The following RBM20 variants were observed in gnomAD, a reference collection of about 807,000 sequenced individuals.
RBM20 encodes RNA-binding protein 20.
Under a neutral mutation model 110.1 loss-of-function variants are expected in RBM20, and 51 were observed. The observed-to-expected ratio is 0.46, with a 90% confidence interval of 0.37 to 0.59. The LOEUF (loss-of-function observed/expected upper bound fraction) is 0.59. Among genes scored for constraint, RBM20 ranks in the 20% least tolerant of loss-of-function variants. The pLI is 0.00. For synonymous variants in RBM20, 589 were observed against 618.2 expected, an observed-to-expected ratio of 0.95 and a Z score of 0.70; for missense variants, 1,512 against 1,574.9, an observed-to-expected ratio of 0.96 and a Z score of 0.68.
At position 110,668,194 on chromosome 10, in the gene RBM20, G is replaced by A. The variant is rs566137959; in HGVS notation, c.191+23549G>A. 1.7e-4 allele frequency among the ~76,000 whole-genome samples: 26 copies of A among 152,116 alleles called. No homozygotes were observed. In the South Asian group the frequency reaches 5.0e-3, roughly 29 times the overall value. ...AGATCCCCCTAACTCAATTACTGAC[G>A]TATGCCAAGCATCCCGCCTGGAATT... is the stretch of plus-strand genomic sequence containing the variant. On this transcript the variant is annotated intron_variant, in intron 1 of 13. Transcript: ENST00000369519.
In RBM20 at chr10:110,797,573, T is replaced by A. The variant is rs955486548; in HGVS notation, c.1593T>A (p.Thr531=). The change falls in exon 6 of 14, where the codon ACT becomes ACA. Residue 531 remains threonine (T), a synonymous_variant. Transcript: ENST00000369519. ...HICNLPEGSC[T]ENDVINLGLP... is the part of the protein sequence containing the mutation. ...GCAATCTCCCTGAAGGAAGCTGCAC[T>A]GAGAATGACGTCATTAACCTGGGGC... is the stretch of plus-strand genomic sequence containing the variant. 6.4e-7 allele frequency: 1 copy of A among 1,551,742 alleles called. No homozygotes were observed.
At chr10:110,670,451 G>T (rs1207792679) in intron 1 of RBM20, among the ~76,000 whole-genome samples, 1 of 152,174 alleles carries the variant, frequency 6.6e-6, no homozygotes, top group East Asian at 1.9e-4. Context: ...TATTTCTTTA[G>T]CTGCTGGGTG....
intron 1 of RBM20, among the ~76,000 whole-genome samples, chr10:110,774,191 C>G (rs773234698): frequency 6.6e-6 from 1 of 152,146 alleles, no homozygotes; most frequent in East Asian, 1.9e-4. Context: ...TATGGCTGTT[C>G]TGGAGATGAG....
Position 110,812,726 on chromosome 10 carries a change from G to C in RBM20, c.2329G>C (p.Asp777His). Residue 777 changes from aspartate (D) to histidine (H), a missense_variant, in exon 9 of 14, where the codon GAT becomes CAT. Physicochemically the swap from Asp to His is moderately conservative, Grantham distance 81. Transcript: ENST00000369519. ...KSDKYLKQQQDAPGRSRRKDE... is the reference protein window; with the variant it reads ...KSDKYLKQQQHAPGRSRRKDE... ...GGACAAGTATCTGAAGCAGCAGCAG[G>C]ATGCCCCCGGGAGGTCCAGGAGGAA... The C allele has an allele frequency of 1.3e-6, 2 of 1,551,750 alleles. No individual in the cohort carries two copies. Among genetic ancestry groups the C allele is most frequent in the Non-Finnish European group, 1.7e-6 (2 of 1,147,002 alleles).
intron 7 of RBM20, among the ~76,000 whole-genome samples, chr10:110,800,433 C>T (rs1355270464): frequency 2.6e-5 from 4 of 152,198 alleles, no homozygotes; most frequent in East Asian, 1.9e-4. Context: ...CCAGGGTTTG[C>T]TTTTGTTTTA....
chr10:110,823,942 G>T (rs1186080511), intron 12 of RBM20, among the ~76,000 whole-genome samples: 1 of 151,384 alleles, frequency 6.6e-6, no homozygotes, highest in Non-Finnish European at 1.5e-5. Flanking sequence ...GCCCAGGCTG[G>T]TCTTCACCTC....
chr10:110,826,237 A>C lies in RBM20; in HGVS notation c.3451+2623A>C, dbSNP rs573237811. On this transcript the variant is annotated intron_variant, in intron 12 of 13. Transcript: ENST00000369519. ...GAAGAAAATAGTATCTCACCTTTTT[A>C]AAATTGGCTCTATTGAGTTATAATG... Among the ~76,000 whole-genome samples, 20 of 152,322 alleles carry C rather than the reference A, an allele frequency of 1.3e-4. No individual in the cohort carries two copies. The East Asian group carries it at 3.5e-3, about 26-fold the overall frequency.
intron 1 of RBM20, among the ~76,000 whole-genome samples, chr10:110,674,688 C>T (rs1392385508): frequency 1.3e-5 from 2 of 152,228 alleles, no homozygotes; most frequent in African/African-American, 2.4e-5. Flanking sequence ...TTGATCACTG[C>T]TTAAGTCTTC....
chr10:110,835,444 T>C (rs1454607189), intron 13 of RBM20: 1 of 151,978 alleles, frequency 6.6e-6, no homozygotes, highest in Non-Finnish European at 1.5e-5. Context: ...CAAGTGATTC[T>C]CCTGCCTCAG....
intron 1 of RBM20, among the ~76,000 whole-genome samples, chr10:110,719,870 G>T (rs1339480724): frequency 6.6e-6 from 1 of 152,042 alleles, no homozygotes; most frequent in Non-Finnish European, 1.5e-5. Flanking sequence ...GTCTTATTCT[G>T]TTTGGGCTGT....
In RBM20 at chr10:110,835,895, G is replaced by A. The variant is rs751621383; in HGVS notation, c.3601G>A (p.Gly1201Ser). The A allele has an allele frequency of 1.3e-6, 2 of 1,549,350 alleles. No individual in the cohort carries two copies. Among genetic ancestry groups the A allele is most frequent in the Admixed American group, 3.9e-5 (2 of 50,932 alleles). Residue 1201 changes from glycine (G) to serine (S), a missense_variant, in exon 14 of 14, where the codon GGC becomes AGC. Transcript: ENST00000369519. Reference sequence around the variant, plus strand: ...ATATTTGTCCCAGCTGGCCGAGGAGGGCCTCAAGGAGACCGAGGGGGCAGA... The same window carrying A: ...ATATTTGTCCCAGCTGGCCGAGGAGAGCCTCAAGGAGACCGAGGGGGCAGA... ...QKYLSQLAEEGLKETEGADSP... is the reference protein window; with the variant it reads ...QKYLSQLAEESLKETEGADSP...
intron 1 of RBM20, among the ~76,000 whole-genome samples, chr10:110,723,991 C>G (rs2039903): frequency 0.64 from 96,883 of 151,952 alleles, 31,356 homozygotes; most frequent in East Asian, 0.97. Flanking sequence ...ACACTGTATT[C>G]TAAACACTCT....
intron 1 of RBM20, among the ~76,000 whole-genome samples, chr10:110,724,982 C>T (rs1843545849): frequency 1.3e-5 from 2 of 152,078 alleles, no homozygotes; most frequent in South Asian, 2.1e-4. Flanking sequence ...GGTAGAGAAA[C>T]GTGTGGATTG....
At chr10:110,823,680 A>G in intron 12 of RBM20, 66 bp downstream of exon 12, 1 of 1,511,126 alleles carries the variant, frequency 6.6e-7, no homozygotes, top group Non-Finnish European at 8.9e-7. Context: ...TAGCAACCTC[A>G]AGAGCTTGAG....
intron 12 of RBM20, among the ~76,000 whole-genome samples, chr10:110,824,429 T>C (rs974347066): frequency 6.6e-6 from 1 of 152,226 alleles, no homozygotes; most frequent in Admixed American, 6.5e-5. Flanking sequence ...CCCTAGTTCA[T>C]AGAAAGGGTA....
At chr10:110,799,703 T>C in intron 6 of RBM20, 84 bp from the exon 7 acceptor site, 3 of 1,360,466 alleles carry the variant, frequency 2.2e-6, no homozygotes, top group Non-Finnish European at 2.9e-6. Context: ...TTGAACTTCA[T>C]AGACGTGGAA....
At chr10:110,653,327 C>T (rs1861977656) in intron 1 of RBM20, among the ~76,000 whole-genome samples, 1 of 152,166 alleles carries the variant, frequency 6.6e-6, no homozygotes, top group South Asian at 2.1e-4. Flanking sequence ...AAAAAGTAAA[C>T]CTTGCTTTGC....
At position 110,767,156 on chromosome 10, in the gene RBM20, C is replaced by CG. The variant is rs1437908188; in HGVS notation, c.192-13639dup. On this transcript the variant is annotated intron_variant, in intron 1 of 13. Transcript: ENST00000369519. ...CTCCCGGATGGGGTGGCTGGCCGGG[C>CG]GGGGGGCTGACCCCCCCCACCTCCC... Among the ~76,000 whole-genome samples, 114 of 91,448 alleles carry CG rather than the reference C, an allele frequency of 1.2e-3. 1 individual carries two copies. The highest frequency in any genetic ancestry group is 2.3e-3 in the Non-Finnish European group (91 of 39,870). The allele number at this position is 91,448 out of a possible 152,430, so 60.0% of individuals were successfully genotyped here. A position where few individuals can be genotyped will look rare whatever the true frequency, so the allele number is the denominator to read the frequency against.
At chr10:110,650,364 G>A (rs1382230363) in intron 1 of RBM20, among the ~76,000 whole-genome samples, 3 of 152,174 alleles carry the variant, frequency 2.0e-5, no homozygotes, top group African/African-American at 4.8e-5. Flanking sequence ...AGATCTGTAG[G>A]GGAGATGGCA....
Sources: gnomAD v4.1 joint callset for allele counts (sites outside exome capture counted in the v4.1 genomes callset) on GRCh38, gnomAD v4.1.1 for gene constraint, MANE v1.5 for transcripts, NCBI Gene and HGNC (gene_info 2026-07-23, HGNC 2026-07-21) for gene names.